GRAMD1B: variants seen among roughly 807,000 people sequenced by gnomAD.
GRAMD1B encodes the protein GRAM domain containing 1B.
Under a neutral mutation model 99.7 loss-of-function variants are expected in GRAMD1B, and 37 were observed. The ratio of observed to expected loss-of-function variants is 0.37; its 90% CI spans 0.29 to 0.49. The LOEUF is 0.49. Ranked by LOEUF, GRAMD1B falls within the 20% of genes least tolerant of loss-of-function variation. The probability of loss-of-function intolerance (pLI) is 0.98; values close to 1 mark genes in which losing one functional copy is unlikely to be tolerated. For missense variants in GRAMD1B, 888 were observed against 1,009.2 expected (o/e 0.88, Z 1.63); for synonymous variants, 427 against 387.6 (o/e 1.10, Z -1.19).
At chr11:123,590,593 T>G (rs919773186) in intron 4 of GRAMD1B, among the ~76,000 whole-genome samples, 8 of 152,084 alleles carry the variant, frequency 5.3e-5, no homozygotes, top group African/African-American at 1.2e-4. Flanking sequence ...CTGCCCTGCC[T>G]CCCTTCTTCC....
intron 3 of GRAMD1B, among the ~76,000 whole-genome samples, chr11:123,583,381 GGTGT>G (rs1203146773): frequency 2.5e-5 from 3 of 118,248 alleles, no homozygotes; most frequent in African/African-American, 9.5e-5. Flanking sequence ...GCACGTGTGT[GGTGT>G]GTATGTGTGC....
intron 2 of GRAMD1B, among the ~76,000 whole-genome samples, chr11:123,567,900 G>A (rs1044459993): frequency 3.9e-5 from 6 of 152,172 alleles, no homozygotes; most frequent in Non-Finnish European, 5.9e-5. Flanking sequence ...AAAACTTTCC[G>A]TGAACTTTGC....
intron 2 of GRAMD1B, among the ~76,000 whole-genome samples, chr11:123,489,997 C>T (rs566052423): frequency 2.0e-5 from 3 of 152,178 alleles, no homozygotes; most frequent in East Asian, 1.9e-4. Context: ...GGTAACCTGG[C>T]GAAACCTCGT....
At chr11:123,571,906 G>A (rs572461202) in intron 2 of GRAMD1B, among the ~76,000 whole-genome samples, 1 of 152,252 alleles carries the variant, frequency 6.6e-6, no homozygotes, top group East Asian at 1.9e-4. Context: ...TCTAGCTCAA[G>A]TGCCACATCC....
Position 123,413,873 on chromosome 11 carries a change from C to A in GRAMD1B, c.-176+55074C>A, listed in dbSNP as rs141214033. On this transcript the variant is annotated intron_variant, in intron 1 of 20. Coordinates refer to the GRAMD1B transcript ENST00000638157. ...TGGGTGGCTTAGTAGTCAGATAGGA[C>A]TGTATCTGCAGAACCAAGTCAGAAA... 3.9e-5 allele frequency among the ~76,000 whole-genome samples: 6 copies of A among 152,250 alleles called. No homozygotes were observed. In the South Asian group the frequency reaches 8.3e-4, roughly 21 times the overall value.
intron 1 of GRAMD1B, among the ~76,000 whole-genome samples, chr11:123,468,295 T>TTTTTTTTTTTTTTTTTTTTG (rs1950805956): frequency 6.6e-6 from 1 of 152,212 alleles, no homozygotes; most frequent in African/African-American, 2.4e-5. Context: ...TGGAGACTTT[T>TTTTTTTTTTTTTTTTTTTTG]ACAAATACAT....
intron 2 of GRAMD1B, among the ~76,000 whole-genome samples, chr11:123,498,350 A>C (rs187860308): frequency 2.0e-5 from 3 of 152,304 alleles, no homozygotes; most frequent in African/African-American, 4.8e-5. Context: ...GCAAAGCCTC[A>C]CAATTGCTGC....
chr11:123,593,457 C>G lies in GRAMD1B; in HGVS notation c.685-625C>G, dbSNP rs374242833. On this transcript the variant is annotated intron_variant, in intron 4 of 19. Transcript: ENST00000635736. ...GGGGGCTTCTCTCTGGCCTTGGTCT[C>G]TTCCTTGATGCTGTAAGGATTGGTT... Among the ~76,000 whole-genome samples, 11 of 152,100 alleles carry G rather than the reference C, an allele frequency of 7.2e-5. No homozygotes were observed. In the East Asian group the frequency reaches 1.5e-3, roughly 21 times the overall value.
intron 2 of GRAMD1B, among the ~76,000 whole-genome samples, chr11:123,564,066 G>C (rs1794173): frequency 6.6e-6 from 1 of 152,030 alleles, no homozygotes; most frequent in South Asian, 2.1e-4. Context: ...GTGAGGTCAG[G>C]GGAGGAGCGA....
At chr11:123,403,272 A>G (rs895142184) in intron 1 of GRAMD1B, among the ~76,000 whole-genome samples, 2 of 151,600 alleles carry the variant, frequency 1.3e-5, no homozygotes, top group African/African-American at 4.8e-5. Context: ...TAAAATTACA[A>G]AAAAATTAGC....
chr11:123,613,595 G>T lies in GRAMD1B; in HGVS notation c.2164G>T (p.Val722Leu), dbSNP rs755488531. The change falls in exon 16 of 20, where the codon GTG (valine) becomes TTG (leucine). Residue 722 changes from valine (V) to leucine (L), a missense_variant. Transcript: ENST00000635736. ...CCTGCGAGTCCCTCACCTGGAAGAGGTGATGAGCCCGGTCACCACGCCCAC... is the reference window on the plus strand; with the variant it reads ...CCTGCGAGTCCCTCACCTGGAAGAGTTGATGAGCCCGGTCACCACGCCCAC... ...AHLRVPHLEEVMSPVTTPTDE... is the reference protein window; with the variant it reads ...AHLRVPHLEELMSPVTTPTDE... 1 of 1,613,940 alleles carries T rather than the reference G, an allele frequency of 6.2e-7. No homozygotes were observed. The highest frequency in any genetic ancestry group is 2.2e-5 in the East Asian group (1 of 44,872).
At chr11:123,462,891 T>TAAAAAAAAAAAAAAAA (rs1022451957) in intron 1 of GRAMD1B, among the ~76,000 whole-genome samples, 1 of 111,410 alleles carries the variant, frequency 9.0e-6, no homozygotes, top group Non-Finnish European at 2.0e-5. Context: ...AAAAATAAAT[T>TAAAAAAAAAAAAAAAA]AAAAAAAAAA....
At chr11:123,392,967 T>C (rs1294713490) in intron 1 of GRAMD1B, among the ~76,000 whole-genome samples, 1 of 152,234 alleles carries the variant, frequency 6.6e-6, no homozygotes, top group Non-Finnish European at 1.5e-5. Flanking sequence ...AGAATGCCTT[T>C]TGTATCTTCA....
Position 123,431,184 on chromosome 11 carries a change from C to T in GRAMD1B, c.374+18C>T, listed in dbSNP as rs911412273. 1.5e-6 allele frequency: 1 copy of T among 688,660 alleles called. No homozygotes were observed. The highest frequency in any genetic ancestry group is 2.7e-6 in the Non-Finnish European group (1 of 376,598). The allele number at this position is 688,660 out of a possible 1,614,324, so 42.7% of individuals were successfully genotyped here. Reference sequence around the variant, plus strand: ...GAAAGCAGGTACGTCCCCGTTCCGCCCGTCTCCTTCCCTTCCCTCCCGTCC... The same window carrying T: ...GAAAGCAGGTACGTCCCCGTTCCGCTCGTCTCCTTCCCTTCCCTCCCGTCC... On this transcript the variant is annotated intron_variant, in intron 1 of 19. Coordinates refer to ENST00000635736, the MANE Select transcript of GRAMD1B (RefSeq NM_001387025.1).
Position 123,555,920 on chromosome 11 carries a change from G to C in GRAMD1B, c.453-21447G>C, listed in dbSNP as rs558110504. ...GGCTAATTTTTGTATTTTTAGTAGA[G>C]ACAGGGTTTCACCATGTTGCCGAGC... On this transcript the variant is annotated intron_variant, in intron 2 of 19. Transcript: ENST00000635736. Among the ~76,000 whole-genome samples, 273 of 151,744 alleles carry C rather than the reference G, an allele frequency of 1.8e-3. 3 individuals are homozygous for C. Among genetic ancestry groups the C allele is most frequent in the Middle Eastern group, 0.014 (4 of 290 alleles).
chr11:123,616,683 G>T (rs1954436998), intron 17 of GRAMD1B, among the ~76,000 whole-genome samples: 1 of 152,232 alleles, frequency 6.6e-6, no homozygotes, highest in African/African-American at 2.4e-5. Flanking sequence ...CCTGTGTCTG[G>T]CAGGCTCTTG....
intron 2 of GRAMD1B, among the ~76,000 whole-genome samples, chr11:123,531,732 T>G (rs1943401059): frequency 1.3e-4 from 2 of 15,012 alleles, no homozygotes; most frequent in African/African-American, 2.3e-4. Flanking sequence ...GCTAGATGGT[T>G]TTTTTTTTTT....
intron 2 of GRAMD1B, among the ~76,000 whole-genome samples, chr11:123,550,970 T>A (rs878993622): frequency 6.6e-6 from 1 of 152,212 alleles, no homozygotes; most frequent in Admixed American, 6.5e-5. Context: ...TGTCTTCAGT[T>A]GGAAAGGGAC....
chr11:123,383,116 C>T (rs914252128), intron 1 of GRAMD1B, among the ~76,000 whole-genome samples: 25 of 152,162 alleles, frequency 1.6e-4, no homozygotes, highest in African/African-American at 5.5e-4. Flanking sequence ...AATGGTAGGT[C>T]GGGTAAAATC....
Sources: allele counts gnomAD v4.1 joint callset (sites outside exome capture counted in the v4.1 genomes callset), GRCh38; gene constraint gnomAD v4.1.1; transcripts MANE v1.5; gene names NCBI Gene and HGNC (gene_info 2026-07-23, HGNC 2026-07-21).